Variants in BTRC observed in about 807,000 individuals in gnomAD.
BTRC encodes F-box/WD repeat-containing protein 1A.
Under a neutral mutation model 85.5 loss-of-function variants are expected in BTRC, and 42 were observed. That is an observed-to-expected ratio of 0.49 (90% CI 0.38 to 0.64). The LOEUF (loss-of-function observed/expected upper bound fraction) is 0.64, where lower values mean the gene tolerates loss of function less well. BTRC is among the 30% of genes least tolerant of loss of function. The probability of loss-of-function intolerance (pLI) is 0.00; values close to 1 mark genes in which losing one functional copy is unlikely to be tolerated. For synonymous variants in BTRC, 255 were observed against 263.3 expected (o/e 0.97, Z 0.30); for missense variants, 594 against 743.5 (o/e 0.80, Z 2.34).
At chr10:101,381,849 A>G (rs1167618429) in intron 1 of BTRC, among the ~76,000 whole-genome samples, 1 of 151,334 alleles carries the variant, frequency 6.6e-6, no homozygotes, top group East Asian at 1.9e-4. Context: ...GAGCATCCTT[A>G]TTCCTAACCT....
At chr10:101,356,261 A>G (rs1457672143) in intron 1 of BTRC, among the ~76,000 whole-genome samples, 1 of 152,142 alleles carries the variant, frequency 6.6e-6, no homozygotes. Flanking sequence ...GGCCTCCCAA[A>G]GTGCTGGGAT....
At position 101,491,856 on chromosome 10, in the gene BTRC, A is replaced by G. The variant is rs181485059; in HGVS notation, c.324+12399A>G. On this transcript the variant is annotated intron_variant, in intron 4 of 14. Transcript: ENST00000370187. ...CCTTGAAATCCTCTGTCTCGGAGAA[A>G]AGGCTTGGGACAGGGATGAGTGATT... is the stretch of plus-strand genomic sequence containing the variant. Among the ~76,000 whole-genome samples the G allele has an allele frequency of 1.1e-3, 163 of 152,308 alleles. 1 individual carries two copies. The highest frequency in any genetic ancestry group is 0.01 in the Middle Eastern group (3 of 294).
intron 13 of BTRC, among the ~76,000 whole-genome samples, chr10:101,546,503 A>G (rs2062560967): frequency 6.6e-6 from 1 of 152,216 alleles, no homozygotes; most frequent in Non-Finnish European, 1.5e-5. Flanking sequence ...GAAGTAAATA[A>G]AAATGAAAAC....
At chr10:101,362,200 G>A (rs546679236) in intron 1 of BTRC, among the ~76,000 whole-genome samples, 31 of 151,950 alleles carry the variant, frequency 2.0e-4, no homozygotes, top group African/African-American at 7.0e-4. Context: ...CTTGTGATTC[G>A]CCCGCCTTGG....
chr10:101,522,837 A>G (rs1346473133), intron 5 of BTRC, among the ~76,000 whole-genome samples: 1 of 152,200 alleles, frequency 6.6e-6, no homozygotes, highest in Non-Finnish European at 1.5e-5. Flanking sequence ...TGTGTCTTTT[A>G]TAATAACACG....
intron 4 of BTRC, among the ~76,000 whole-genome samples, chr10:101,495,838 C>G (rs1259580660): frequency 6.6e-6 from 1 of 152,014 alleles, no homozygotes; most frequent in Non-Finnish European, 1.5e-5. Context: ...AGATTAAGTT[C>G]ACATCCACCC....
rs2062712829 is a variant in BTRC at position 101,555,440 on chromosome 10, C to T, written c.*2317C>T. ...CGGGGCGACCCCTGCAGATGTGGAGCCATTAGCCCAGTTGAGGATATTCTC... is the reference window on the plus strand; with the variant it reads ...CGGGGCGACCCCTGCAGATGTGGAGTCATTAGCCCAGTTGAGGATATTCTC... On this transcript the variant is annotated 3_prime_UTR_variant, in exon 15 of 15. Transcript: ENST00000370187. 1 of 152,596 alleles carries T rather than the reference C, an allele frequency of 6.6e-6. No individual in the cohort carries two copies. Among genetic ancestry groups the T allele is most frequent in the Admixed American group, 6.5e-5 (1 of 15,276 alleles). The allele number at this position is 152,596 out of a possible 1,614,324, so 9.5% of individuals were successfully genotyped here. A position where few individuals can be genotyped will look rare whatever the true frequency, so the allele number is the denominator to read the frequency against.
At chr10:101,399,223 G>A (rs548902338) in intron 1 of BTRC, among the ~76,000 whole-genome samples, 1 of 151,964 alleles carries the variant, frequency 6.6e-6, no homozygotes, top group Non-Finnish European at 1.5e-5. Flanking sequence ...CCAAAGTGCT[G>A]GGATTACAGG....
At chr10:101,382,917 A>G (rs910956763) in intron 1 of BTRC, among the ~76,000 whole-genome samples, 2 of 152,190 alleles carry the variant, frequency 1.3e-5, no homozygotes, top group Non-Finnish European at 2.9e-5. Flanking sequence ...TTTACATTGT[A>G]AAAAAGATAA....
intron 13 of BTRC, among the ~76,000 whole-genome samples, chr10:101,542,131 A>G (rs972553071): frequency 7.2e-5 from 11 of 152,168 alleles, no homozygotes; most frequent in Admixed American, 1.3e-4. Flanking sequence ...TTTCTTTTGA[A>G]GTCCACTTTA....
At chr10:101,474,718 T>C (rs1428685128) in intron 3 of BTRC, among the ~76,000 whole-genome samples, 2 of 152,202 alleles carry the variant, frequency 1.3e-5, no homozygotes, top group Non-Finnish European at 2.9e-5. Flanking sequence ...CAGATTGAAT[T>C]CTAGTCACCC....
At chr10:101,525,320 T>G (rs1339164813) in intron 5 of BTRC, among the ~76,000 whole-genome samples, 1 of 152,220 alleles carries the variant, frequency 6.6e-6, no homozygotes, top group Non-Finnish European at 1.5e-5. Context: ...TCTTTTGGTC[T>G]GGAATTTTTT....
chr10:101,474,836 C>T (rs541076784), intron 3 of BTRC, among the ~76,000 whole-genome samples: 11 of 152,262 alleles, frequency 7.2e-5, no homozygotes, highest in Admixed American at 2.0e-4. Flanking sequence ...CCCCATTTTC[C>T]GTCTTTTTTA....
chr10:101,443,659 A>G (rs998496230), intron 2 of BTRC, among the ~76,000 whole-genome samples: 6 of 152,208 alleles, frequency 3.9e-5, no homozygotes, highest in African/African-American at 7.2e-5. Context: ...TGAATATGCC[A>G]TTATTTTGTA....
At chr10:101,365,127 A>C (rs1942331291) in intron 1 of BTRC, 1 of 151,194 alleles carries the variant, frequency 6.6e-6, no homozygotes, top group African/African-American at 2.4e-5. Flanking sequence ...AGGCTGGAAT[A>C]CAATGGCGCG....
intron 1 of BTRC, among the ~76,000 whole-genome samples, chr10:101,411,166 G>GT (rs1182057852): frequency 3.3e-5 from 5 of 151,618 alleles, no homozygotes; most frequent in African/African-American, 7.3e-5. Context: ...TGGCTATTTT[G>GT]TTTTTTCAGT....
rs200456969 is a variant in BTRC, at chr10:101,496,410, ATTTTG to A, written c.324+16958_324+16962del. ...AGTAGTATTATGTATGACATTTTGG[ATTTTG>A]TTTTAAGTTTTTATTTTAGAGGCAT... On this transcript the variant is annotated intron_variant, in intron 4 of 14. Transcript: ENST00000370187. Among the ~76,000 whole-genome samples, 1,512 of 151,810 alleles carry A rather than the reference ATTTTG, an allele frequency of 1.0e-2. 13 individuals carry two copies. Among genetic ancestry groups the A allele is most frequent in the Non-Finnish European group, 0.015 (987 of 67,920 alleles).
intron 3 of BTRC, among the ~76,000 whole-genome samples, chr10:101,474,744 C>T (rs1418099444): frequency 6.6e-6 from 1 of 152,170 alleles, no homozygotes; most frequent in Non-Finnish European, 1.5e-5. Flanking sequence ...CAAGTGGACT[C>T]GTGAGTGCCT....
intron 2 of BTRC, among the ~76,000 whole-genome samples, chr10:101,444,766 C>CA (rs1944778350): frequency 6.6e-6 from 1 of 152,142 alleles, no homozygotes; most frequent in African/African-American, 2.4e-5. Flanking sequence ...CGCCTGAAAA[C>CA]AAAAAATCTG....
Sources: gnomAD v4.1 joint callset for allele counts (sites outside exome capture counted in the v4.1 genomes callset) on GRCh38, gnomAD v4.1.1 for gene constraint, MANE v1.5 for transcripts, NCBI Gene and HGNC (gene_info 2026-07-23, HGNC 2026-07-21) for gene names.